Variants in ITGBL1 observed in about 807,000 individuals in gnomAD.
ITGBL1 encodes integrin subunit beta like 1.
ITGBL1 carries 51 observed loss-of-function variants against 68.5 expected under a neutral mutation model. The ratio of observed to expected loss-of-function variants is 0.74; its 90% CI spans 0.59 to 0.94. The LOEUF (loss-of-function observed/expected upper bound fraction) is 0.94. ITGBL1 is among the 40% of genes least tolerant of loss of function. The probability of loss-of-function intolerance (pLI) is 0.00; values close to 1 mark genes in which losing one functional copy is unlikely to be tolerated. For missense variants in ITGBL1, 649 were observed against 647.4 expected, an observed-to-expected ratio of 1.00 and a Z score of -0.03; for synonymous variants, 209 against 227.3, an observed-to-expected ratio of 0.92 and a Z score of 0.72.
At chr13:101,506,672 GTGT>G (rs1414537668) in intron 2 of ITGBL1, among the ~76,000 whole-genome samples, 3 of 152,164 alleles carry the variant, frequency 2.0e-5, no homozygotes, top group East Asian at 3.9e-4. Flanking sequence ...AACATAAAAG[GTGT>G]TGTAACTGAG....
At chr13:101,505,399 A>G (rs575007356) in intron 2 of ITGBL1, among the ~76,000 whole-genome samples, 1 of 152,330 alleles carries the variant, frequency 6.6e-6, no homozygotes, top group African/African-American at 2.4e-5. Context: ...ATGTAAATAA[A>G]TCAATCTATA....
intron 7 of ITGBL1, among the ~76,000 whole-genome samples, chr13:101,682,163 G>GT (rs1451825447): frequency 6.6e-6 from 1 of 152,072 alleles, no homozygotes; most frequent in East Asian, 1.9e-4. Context: ...TATTTCTACT[G>GT]TAACTACACT....
chr13:101,598,192 C>G lies in ITGBL1; in HGVS notation c.908C>G (p.Ala303Gly). Reference sequence around the variant, plus strand: ...AATTGCGGAAGATGTGACTGCAAAGCAGGCTGGTATGGGAAGAAGTGTGAG... The same window carrying G: ...AATTGCGGAAGATGTGACTGCAAAGGAGGCTGGTATGGGAAGAAGTGTGAG... Reference protein sequence around the residue: ...QCNCGRCDCKAGWYGKKCEHP... With the variant: ...QCNCGRCDCKGGWYGKKCEHP... Residue 303 changes from alanine to glycine, a missense_variant, in exon 7 of 11, where the codon GCA (alanine) becomes GGA (glycine). By Grantham distance (60) the Ala-to-Gly change is moderately conservative. Transcript: ENST00000376180. 1 of 1,613,622 alleles carries G rather than the reference C, an allele frequency of 6.2e-7. No individual in the cohort carries two copies.
chr13:101,532,481 T>A (rs2049501401), intron 2 of ITGBL1, among the ~76,000 whole-genome samples: 1 of 152,244 alleles, frequency 6.6e-6, no homozygotes, highest in South Asian at 2.1e-4. Context: ...AGTTAATCTT[T>A]CTTCCTAGAA....
chr13:101,477,449 C>A (rs982719236), intron 2 of ITGBL1, among the ~76,000 whole-genome samples: 10 of 151,672 alleles, frequency 6.6e-5, no homozygotes, highest in Admixed American at 5.9e-4. Flanking sequence ...AAGAACAAAC[C>A]AAACCCCAAA....
At chr13:101,624,713 C>G (rs1470863237) in intron 7 of ITGBL1, among the ~76,000 whole-genome samples, 3 of 152,114 alleles carry the variant, frequency 2.0e-5, no homozygotes, top group Admixed American at 1.3e-4. Context: ...AATTCTGGTC[C>G]CTGCAACCAG....
intron 2 of ITGBL1, among the ~76,000 whole-genome samples, chr13:101,494,868 A>G (rs1428117731): frequency 2.6e-5 from 4 of 152,188 alleles, no homozygotes. Context: ...ATGATATTAT[A>G]AGCGCTTTTC....
intron 7 of ITGBL1, among the ~76,000 whole-genome samples, chr13:101,618,680 C>G (rs536869257): frequency 1.4e-4 from 21 of 152,278 alleles, no homozygotes; most frequent in African/African-American, 4.6e-4. Flanking sequence ...GTTGACGCAA[C>G]AGCCTCCAAC....
rs752920578 is a variant in ITGBL1, at chr13:101,631,709, A to G, written c.1015+33410A>G. 4.8e-4 allele frequency among the ~76,000 whole-genome samples: 73 copies of G among 152,162 alleles called. 1 individual carries two copies. The highest frequency in any genetic ancestry group is 3.2e-4 in the Non-Finnish European group (22 of 68,014). On this transcript the variant is annotated intron_variant, in intron 7 of 10. Transcript: ENST00000376180. Reference sequence around the variant, plus strand: ...TGACTCATTTTTTGTGTATCATGAAAATTTTGCTCCATTATTTTATAGCTA... The same window carrying G: ...TGACTCATTTTTTGTGTATCATGAAGATTTTGCTCCATTATTTTATAGCTA...
intron 2 of ITGBL1, among the ~76,000 whole-genome samples, chr13:101,455,091 ATGC>A: frequency 6.6e-6 from 1 of 152,214 alleles, no homozygotes. Context: ...GCACAACACA[ATGC>A]ATTCCAGCCA....
At chr13:101,510,476 T>C (rs2049098043) in intron 2 of ITGBL1, among the ~76,000 whole-genome samples, 1 of 152,170 alleles carries the variant, frequency 6.6e-6, no homozygotes, top group Non-Finnish European at 1.5e-5. Context: ...AACATCTGAA[T>C]GCAATATAAT....
intron 2 of ITGBL1, among the ~76,000 whole-genome samples, chr13:101,558,439 T>C (rs1302044491): frequency 6.6e-6 from 1 of 152,172 alleles, no homozygotes; most frequent in Non-Finnish European, 1.5e-5. Context: ...GTAACAAACA[T>C]GCACTGCTAC....
chr13:101,581,850 G>T (rs576399114), intron 5 of ITGBL1, among the ~76,000 whole-genome samples: 1 of 152,056 alleles, frequency 6.6e-6, no homozygotes, highest in Admixed American at 6.6e-5. Flanking sequence ...TTGCAAAATC[G>T]CTACCCAGAA....
At chr13:101,468,757 T>C (rs763674761) in intron 2 of ITGBL1, among the ~76,000 whole-genome samples, 8 of 152,220 alleles carry the variant, frequency 5.3e-5, no homozygotes, top group Non-Finnish European at 1.0e-4. Context: ...AAGAACCCGT[T>C]ATGCATCTCA....
intron 6 of ITGBL1, among the ~76,000 whole-genome samples, chr13:101,590,231 A>T (rs1373398266): frequency 6.6e-6 from 1 of 152,168 alleles, no homozygotes; most frequent in Non-Finnish European, 1.5e-5. Flanking sequence ...GATTTGTTTT[A>T]TTCTGCCACA....
At chr13:101,618,156 A>AT (rs2031439962) in intron 7 of ITGBL1, among the ~76,000 whole-genome samples, 1 of 152,200 alleles carries the variant, frequency 6.6e-6, no homozygotes, top group African/African-American at 2.4e-5. Context: ...AACTAGCTAC[A>AT]TGGGGGGAAA....
intron 7 of ITGBL1, among the ~76,000 whole-genome samples, chr13:101,620,451 T>C (rs1566761287): frequency 6.6e-6 from 1 of 152,208 alleles, no homozygotes; most frequent in Non-Finnish European, 1.5e-5. Flanking sequence ...CATTCTCAAC[T>C]TCTTAAATGT....
chr13:101,653,636 CA>C (rs1317591905), intron 7 of ITGBL1, among the ~76,000 whole-genome samples: 2 of 152,004 alleles, frequency 1.3e-5, no homozygotes, highest in African/African-American at 4.8e-5. Context: ...ATGCTTTTGG[CA>C]AGTGCTATTA....
chr13:101,541,622 AG>A (rs572912603), intron 2 of ITGBL1, among the ~76,000 whole-genome samples: 2,039 of 152,310 alleles, frequency 0.013, 9 homozygotes, highest in Non-Finnish European at 0.02. Context: ...TAGTTTCAGA[AG>A]GAATGGTACC....
Sources: allele counts gnomAD v4.1 joint callset (sites outside exome capture counted in the v4.1 genomes callset), GRCh38; gene constraint gnomAD v4.1.1; transcripts MANE v1.5; gene names NCBI Gene and HGNC (gene_info 2026-07-23, HGNC 2026-07-21).